Variants in CRADD observed in about 807,000 individuals in gnomAD.
The protein encoded by CRADD is death domain-containing protein CRADD.
A neutral mutation model predicts 15.5 loss-of-function variants in CRADD; 9 were observed. The ratio of observed to expected loss-of-function variants is 0.58; its 90% CI spans 0.35 to 1.01. The LOEUF (loss-of-function observed/expected upper bound fraction) is 1.01, where lower values mean the gene tolerates loss of function less well. CRADD is among the 50% of genes least tolerant of loss of function. The pLI, the probability that CRADD is intolerant of heterozygous loss-of-function variation, is 0.02. For missense variants in CRADD, 227 were observed against 250.3 expected, an observed-to-expected ratio of 0.91 and a Z score of 0.63; for synonymous variants, 118 against 107.6, an observed-to-expected ratio of 1.10 and a Z score of -0.60.
At chr12:93,762,683 C>T (rs997118140) in intron 2 of CRADD, among the ~76,000 whole-genome samples, 1 of 152,184 alleles carries the variant, frequency 6.6e-6, no homozygotes, top group African/African-American at 2.4e-5. Context: ...TATTCCTGCC[C>T]CCAGTCCCTC....
chr12:93,765,401 A>G (rs970061286), intron 2 of CRADD, among the ~76,000 whole-genome samples: 17 of 152,192 alleles, frequency 1.1e-4, no homozygotes, highest in African/African-American at 3.9e-4. Flanking sequence ...GGATCCACGC[A>G]GCTCTCTGTG....
In CRADD at chr12:93,824,496, A is replaced by C. The variant is rs1317282116; in HGVS notation, c.299-25474A>C. On this transcript the variant is annotated intron_variant, in intron 2 of 2. Transcript: ENST00000332896. The surrounding 1 kb of genome is among the most constrained non-coding windows in gnomAD (Gnocchi z 4.3). ...ATGGGGTTTTTGTGTTGTTTTGCTTATTTCTTTCCTTTTAAAAGAAGTACC... is the reference window on the plus strand; with the variant it reads ...ATGGGGTTTTTGTGTTGTTTTGCTTCTTTCTTTCCTTTTAAAAGAAGTACC... 1.3e-5 allele frequency among the ~76,000 whole-genome samples: 2 copies of C among 151,902 alleles called. No individual in the cohort carries two copies. The highest frequency in any genetic ancestry group is 4.8e-5 in the African/African-American group (2 of 41,344).
intron 2 of CRADD, among the ~76,000 whole-genome samples, chr12:93,777,774 A>T (rs1957156071): frequency 6.6e-6 from 1 of 152,200 alleles, no homozygotes; most frequent in South Asian, 2.1e-4. Flanking sequence ...AAGGGAAATC[A>T]ACACACTTTT....
At chr12:93,818,898 CAT>C (rs1383086880) in intron 2 of CRADD, among the ~76,000 whole-genome samples, 1 of 152,240 alleles carries the variant, frequency 6.6e-6, no homozygotes, top group Non-Finnish European at 1.5e-5. Context: ...TCAGTCCTGT[CAT>C]AGAGTGCAAC....
intron 2 of CRADD, among the ~76,000 whole-genome samples, chr12:93,711,754 C>G (rs1040042449): frequency 1.0e-4 from 5 of 47,790 alleles, no homozygotes; most frequent in Non-Finnish European, 2.1e-4. Flanking sequence ...CCCTCCTAGA[C>G]TCTTTTTTTT....
intron 2 of CRADD, among the ~76,000 whole-genome samples, chr12:93,714,319 A>G (rs1370333080): frequency 6.6e-6 from 1 of 152,236 alleles, no homozygotes; most frequent in African/African-American, 2.4e-5. Flanking sequence ...TTACAGCTAC[A>G]TGAAATAAAT....
At position 93,805,449 on chromosome 12, in the gene CRADD, C is replaced by T. The variant is rs184634815; in HGVS notation, c.299-44521C>T. ...AATGTATATAAAAGATTTTACATTA[C>T]GTTATACTCAGTTTTTCTTTTTCTT... On this transcript the variant is annotated intron_variant, in intron 2 of 2. Transcript: ENST00000332896. 4.7e-3 allele frequency among the ~76,000 whole-genome samples: 709 copies of T among 151,964 alleles called. 4 individuals are homozygous for T. Among genetic ancestry groups the T allele is most frequent in the Middle Eastern group, 0.02 (6 of 294 alleles).
chr12:93,808,997 C>T (rs1957587460), intron 2 of CRADD, among the ~76,000 whole-genome samples: 2 of 152,138 alleles, frequency 1.3e-5, no homozygotes, highest in African/African-American at 2.4e-5. Flanking sequence ...TCACTTCAGC[C>T]TCCTTCTCCC....
intron 2 of CRADD, among the ~76,000 whole-genome samples, chr12:93,797,668 C>T (rs1425911972): frequency 2.0e-5 from 3 of 152,272 alleles, no homozygotes; most frequent in Non-Finnish European, 4.4e-5. Context: ...ATAGGTAACT[C>T]AACTGCTGGT....
In CRADD at chr12:93,794,054, A is replaced by G. The variant is rs149421844; in HGVS notation, c.299-55916A>G. Among the ~76,000 whole-genome samples the G allele has an allele frequency of 2.0e-3, 310 of 152,234 alleles. 1 individual carries two copies. Among genetic ancestry groups the G allele is most frequent in the Admixed American group, 2.8e-3 (43 of 15,294 alleles). The stretch of plus-strand genomic sequence containing the variant: ...GGGGTGGTTAATTCTCTCTTATGTT[A>G]CTTGACTTTCAGCAGCATTTGATGC... On this transcript the variant is annotated intron_variant, in intron 2 of 2. Coordinates refer to ENST00000332896, the MANE Select transcript of CRADD (RefSeq NM_003805.5).
chr12:93,688,714 A>T (rs1281399445), intron 2 of CRADD, among the ~76,000 whole-genome samples: 1 of 152,216 alleles, frequency 6.6e-6, no homozygotes, highest in South Asian at 2.1e-4. Context: ...ACAGAGATAG[A>T]TGTTAAATAA....
chr12:93,806,482 G>C (rs199578403), intron 2 of CRADD, among the ~76,000 whole-genome samples: 2 of 123,826 alleles, frequency 1.6e-5, no homozygotes, highest in Admixed American at 8.0e-5. Context: ...ACAAAAAAAA[G>C]AAAAAAAAGG....
At chr12:93,714,151 C>T (rs1159271124) in intron 2 of CRADD, among the ~76,000 whole-genome samples, 1 of 152,166 alleles carries the variant, frequency 6.6e-6, no homozygotes, top group East Asian at 1.9e-4. Flanking sequence ...ATATAGGCTC[C>T]TTCTAGAGAT....
intron 2 of CRADD, among the ~76,000 whole-genome samples, chr12:93,861,538 C>T (rs1284235508): frequency 5.3e-5 from 8 of 152,214 alleles, no homozygotes; most frequent in Admixed American, 5.2e-4. Flanking sequence ...GACACTTCCC[C>T]TGCCTGGAGG....
intron 2 of CRADD, among the ~76,000 whole-genome samples, chr12:93,737,348 G>T (rs73361560): frequency 0.063 from 9,656 of 152,254 alleles, 700 homozygotes; most frequent in East Asian, 0.18. Flanking sequence ...AAGATAGCTT[G>T]AATGGTATTT....
downstream of CRADD, among the ~76,000 whole-genome samples, chr12:93,853,426 C>T (rs140707114): frequency 4.6e-3 from 656 of 142,124 alleles, 2 homozygotes; most frequent in Middle Eastern, 7.2e-3. Flanking sequence ...AACACACTTT[C>T]GAGTCCTATA....
At chr12:93,805,994 G>A (rs1957533125) in intron 2 of CRADD, among the ~76,000 whole-genome samples, 1 of 152,164 alleles carries the variant, frequency 6.6e-6, no homozygotes, top group Non-Finnish European at 1.5e-5. Context: ...ATGTGTGTGA[G>A]TTGCTAAGTC....
intron 2 of CRADD, among the ~76,000 whole-genome samples, chr12:93,793,467 G>C (rs1230533455): frequency 6.6e-6 from 1 of 152,144 alleles, no homozygotes; most frequent in South Asian, 2.1e-4. Context: ...GGCTGTGGGC[G>C]ATAGTTTGAG....
chr12:93,850,137 G>T lies in CRADD; in HGVS notation c.466G>T (p.Val156Leu), dbSNP rs199878599. ...YRCKANHPHN[V>L]QSQVVEAFIR... ...CTGTAAGGCCAACCACCCCCACAAC[G>T]TGCAGTCGCAGGTGGTGGAGGCCTT... Residue 156 changes from valine to leucine, a missense_variant, in exon 3 of 3, where the codon GTG becomes TTG. Physicochemically the swap from Val to Leu is conservative, Grantham distance 32 (BLOSUM62 1). Coordinates refer to ENST00000332896, the MANE Select transcript of CRADD (RefSeq NM_003805.5). This position sits in a 1 kb window ranked among gnomAD's most constrained non-coding sequence, Gnocchi z 4.0. 1 of 1,613,866 alleles carries T rather than the reference G, an allele frequency of 6.2e-7. No individual in the cohort carries two copies.
Sources: gnomAD v4.1 joint callset for allele counts (sites outside exome capture counted in the v4.1 genomes callset) on GRCh38, gnomAD v4.1.1 for gene constraint, Gnocchi (gnomAD v3.1) non-coding constraint, MANE v1.5 for transcripts, NCBI Gene and HGNC (gene_info 2026-07-23, HGNC 2026-07-21) for gene names.